MRC1: variants seen among roughly 807,000 people sequenced by gnomAD.
MRC1 encodes the protein macrophage mannose receptor 1.
In MRC1, 62 loss-of-function variants were observed where a neutral mutation model predicts 102.9. That is an observed-to-expected ratio of 0.60 (90% CI 0.49 to 0.74). The LOEUF (loss-of-function observed/expected upper bound fraction) is 0.74. MRC1 is among the 30% of genes least tolerant of loss of function. The probability of loss-of-function intolerance (pLI) is 0.00; values close to 1 mark genes in which losing one functional copy is unlikely to be tolerated. For missense variants in MRC1, 1,237 were observed against 862.8 expected (o/e 1.43, Z -5.43); for synonymous variants, 457 against 298.4 (o/e 1.53, Z -5.48).
chr10:17,849,548 A>T lies in MRC1; in HGVS notation c.1064-31A>T, dbSNP rs1172917644. On this transcript the variant is annotated intron_variant, in intron 6 of 29. Transcript: ENST00000569591. Reference sequence around the variant, plus strand: ...TATAGTTTTAATCAAATCTTTTAAAATTTTTTTCCGACCCCCCTTTTTGTT... The same window carrying T: ...TATAGTTTTAATCAAATCTTTTAAATTTTTTTTCCGACCCCCCTTTTTGTT... The T allele has an allele frequency of 7.3e-6, 5 of 681,600 alleles. No individual in the cohort carries two copies. In the Admixed American group the frequency reaches 8.4e-5, roughly 11 times the overall value. 42.2% of individuals were successfully genotyped at this position (681,600 alleles called of 1,614,324 possible).
intron 3 of MRC1, 133 bp from the exon 4 acceptor site, chr10:17,833,542 A>G: frequency 1.4e-6 from 1 of 707,648 alleles, no homozygotes; most frequent in East Asian, 2.5e-5. Flanking sequence ...AAAAAAGTAG[A>G]AAGGGGGAAA....
intron 1 of MRC1, among the ~76,000 whole-genome samples, chr10:17,813,584 C>G (rs1388416484): frequency 6.7e-6 from 1 of 148,622 alleles, no homozygotes; most frequent in Non-Finnish European, 1.5e-5. Flanking sequence ...GTGTTTGTAT[C>G]TAGAAGGCTG....
intron 9 of MRC1, among the ~76,000 whole-genome samples, chr10:17,857,446 TA>T (rs1431726659): frequency 1.3e-5 from 2 of 152,370 alleles, no homozygotes; most frequent in African/African-American, 4.8e-5. Flanking sequence ...CAATCTGTTT[TA>T]TTTTTTTCTA....
chr10:17,886,444 C>G (rs1181914101), intron 22 of MRC1, among the ~76,000 whole-genome samples: 2 of 151,926 alleles, frequency 1.3e-5, no homozygotes, highest in African/African-American at 4.8e-5. Flanking sequence ...ACCCTGTTAC[C>G]CAGGCTGGAG....
Position 17,828,328 on chromosome 10 carries a change from G to A in MRC1, c.637+613G>A, listed in dbSNP as rs1038313552. 1.1e-4 allele frequency among the ~76,000 whole-genome samples: 17 copies of A among 151,356 alleles called. 1 individual carries two copies. Among genetic ancestry groups the A allele is most frequent in the African/African-American group, 1.7e-4 (7 of 40,694 alleles). ...GCTAACCTCGTGATCCGCCCACCTC[G>A]CCTCCCAAAGTGTTGGGTTTACAGG... On this transcript the variant is annotated intron_variant, in intron 3 of 29. Coordinates refer to ENST00000569591, the MANE Select transcript of MRC1 (RefSeq NM_002438.4).
chr10:17,832,325 G>A (rs1838586772), intron 3 of MRC1, among the ~76,000 whole-genome samples: 1 of 151,098 alleles, frequency 6.6e-6, no homozygotes, highest in African/African-American at 2.5e-5. Flanking sequence ...GGGAAGCCGA[G>A]GCGGGTGGAT....
intron 21 of MRC1, among the ~76,000 whole-genome samples, chr10:17,882,440 G>T (rs1340466949): frequency 1.3e-5 from 2 of 151,846 alleles, no homozygotes; most frequent in Non-Finnish European, 2.9e-5. Flanking sequence ...ACAGTTGTTT[G>T]TTGTATATAT....
intron 5 of MRC1, among the ~76,000 whole-genome samples, chr10:17,844,241 CAG>C (rs1554840055): frequency 6.6e-6 from 1 of 152,026 alleles, no homozygotes; most frequent in Non-Finnish European, 1.5e-5. Flanking sequence ...ATTTTTGAGA[CAG>C]AGTCTCACTC....
chr10:17,845,610 T>C (rs1366548089), intron 6 of MRC1, among the ~76,000 whole-genome samples, 175 bp downstream of exon 6: 2 of 152,168 alleles, frequency 1.3e-5, no homozygotes, highest in African/African-American at 2.4e-5. Flanking sequence ...ATTTCCTGAG[T>C]GTGCGGCGGT....
chr10:17,855,225 C>T (rs912808081), intron 8 of MRC1, among the ~76,000 whole-genome samples: 54 of 152,078 alleles, frequency 3.6e-4, no homozygotes, highest in Admixed American at 5.9e-4. Context: ...TTCTGGATGG[C>T]GTATATGAAC....
At chr10:17,896,323 C>A (rs963531867) in intron 23 of MRC1, among the ~76,000 whole-genome samples, 31 of 152,252 alleles carry the variant, frequency 2.0e-4, no homozygotes, top group Admixed American at 5.9e-4. Flanking sequence ...CAATCCTAAC[C>A]TTTCTCAATC....
intron 1 of MRC1, among the ~76,000 whole-genome samples, chr10:17,817,603 T>C (rs937446736): frequency 0.13 from 19,253 of 152,042 alleles, 1,526 homozygotes; most frequent in East Asian, 0.21. Context: ...TAAGATCAAG[T>C]TAGGATGGAA....
intron 23 of MRC1, 48 bp from the exon 24 acceptor site, chr10:17,897,986 C>T (rs1317947702): frequency 2.6e-6 from 2 of 780,582 alleles, no homozygotes; most frequent in Non-Finnish European, 4.8e-6. Flanking sequence ...TGATAAGGCT[C>T]AATTACTGTT....
chr10:17,825,416 T>C (rs1838458682), intron 2 of MRC1, among the ~76,000 whole-genome samples: 1 of 152,076 alleles, frequency 6.6e-6, no homozygotes, highest in Non-Finnish European at 1.5e-5. Flanking sequence ...GTTGGGTGTA[T>C]AGAATGGCTC....
intron 4 of MRC1, among the ~76,000 whole-genome samples, chr10:17,839,990 C>T (rs996606900): frequency 1.3e-4 from 19 of 145,114 alleles, no homozygotes; most frequent in East Asian, 2.1e-4. Flanking sequence ...CGCTTGAACC[C>T]GAGAGGAGGA....
chr10:17,873,916 G>T, intron 16 of MRC1, 91 bp downstream of exon 16: 1 of 825,630 alleles, frequency 1.2e-6, no homozygotes, highest in East Asian at 2.4e-5. Context: ...GCCCTAGGAA[G>T]GTAGAGAGCA....
At chr10:17,903,301 C>G (rs1222564649) in intron 26 of MRC1, among the ~76,000 whole-genome samples, 1 of 151,492 alleles carries the variant, frequency 6.6e-6, no homozygotes, top group East Asian at 1.9e-4. Flanking sequence ...CTTATGGTCC[C>G]CCTATTCCTC....
chr10:17,852,467 T>C (rs1426543488), intron 7 of MRC1, among the ~76,000 whole-genome samples: 7 of 152,234 alleles, frequency 4.6e-5, no homozygotes, highest in Non-Finnish European at 8.8e-5. Flanking sequence ...GTATCTAGAA[T>C]GTTCTTGATA....
chr10:17,848,525 TA>T (rs1437073989), intron 6 of MRC1, among the ~76,000 whole-genome samples: 1 of 152,204 alleles, frequency 6.6e-6, no homozygotes, highest in Non-Finnish European at 1.5e-5. Context: ...ATCCTATTAG[TA>T]GCGAGGCTGA....
Sources: gnomAD v4.1 joint callset for allele counts (sites outside exome capture counted in the v4.1 genomes callset) on GRCh38, gnomAD v4.1.1 for gene constraint, MANE v1.5 for transcripts, NCBI Gene and HGNC (gene_info 2026-07-23, HGNC 2026-07-21) for gene names.